The following RGS8 variants were observed in gnomAD, a reference collection of about 807,000 sequenced individuals.
RGS8 encodes regulator of G-protein signaling 8.
Under a neutral mutation model 21.7 loss-of-function variants are expected in RGS8, and 8 were observed. The ratio of observed to expected loss-of-function variants is 0.37; its 90% confidence interval spans 0.22 to 0.66. The LOEUF (loss-of-function observed/expected upper bound fraction) is 0.66. Among genes scored for constraint, RGS8 ranks in the 30% least tolerant of loss-of-function variants. The probability of loss-of-function intolerance (pLI) is 0.59; values close to 1 mark genes in which losing one functional copy is unlikely to be tolerated. For synonymous variants in RGS8, 80 were observed against 83.6 expected, an observed-to-expected ratio of 0.96 and a Z score of 0.24; for missense variants, 157 against 217.9, an observed-to-expected ratio of 0.72 and a Z score of 1.76.
chr1:182,675,037 G>A (rs2102450906), upstream of RGS8, among the ~76,000 whole-genome samples: 1 of 152,172 alleles, frequency 6.6e-6, no homozygotes, highest in South Asian at 2.1e-4. Flanking sequence ...CTTTTCCAGA[G>A]GTTTGCTGGA....
chr1:182,707,421 C>T, the RGS8 span, among the ~76,000 whole-genome samples: 4 of 152,130 alleles, frequency 2.6e-5, no homozygotes, highest in African/African-American at 9.7e-5. Context: ...CCTAGAAGTC[C>T]AAGTTCAAGT....
chr1:182,700,593 A>G, the RGS8 span, among the ~76,000 whole-genome samples: 5 of 152,314 alleles, frequency 3.3e-5, no homozygotes, highest in East Asian at 1.9e-4. Flanking sequence ...TCTAATTCCC[A>G]TAGCTTTCAG....
the RGS8 span, among the ~76,000 whole-genome samples, chr1:182,694,095 A>T: frequency 3.3e-5 from 5 of 152,116 alleles, no homozygotes; most frequent in Admixed American, 2.6e-4. Context: ...CTATATAATA[A>T]ACCTTCGCAT....
chr1:182,655,670 C>A (rs1663239465), intron 5 of RGS8, among the ~76,000 whole-genome samples: 1 of 152,202 alleles, frequency 6.6e-6, no homozygotes, highest in African/African-American at 2.4e-5. Context: ...CCCCAGCATC[C>A]TCATCTGTAA....
the RGS8 span, among the ~76,000 whole-genome samples, chr1:182,718,783 C>A: frequency 3.3e-5 from 5 of 152,196 alleles, no homozygotes; most frequent in Non-Finnish European, 7.4e-5. Context: ...ATATGGCGTG[C>A]TTTACCAAAA....
At chr1:182,663,094 C>A (rs566346210) in intron 5 of RGS8, among the ~76,000 whole-genome samples, 1 of 152,276 alleles carries the variant, frequency 6.6e-6, no homozygotes, top group South Asian at 2.1e-4. Flanking sequence ...GGATTCTTCA[C>A]TCTTTGCTTC....
the RGS8 span, among the ~76,000 whole-genome samples, chr1:182,720,608 A>G: frequency 9.4e-4 from 143 of 152,220 alleles, 1 homozygote; most frequent in Admixed American, 1.7e-3. Context: ...AACCTCCTTC[A>G]GAAATGCACT....
At chr1:182,694,137 GA>G in the RGS8 span, among the ~76,000 whole-genome samples, 2,897 of 137,958 alleles carry the variant, frequency 0.021, 75 homozygotes, top group African/African-American at 0.068. Context: ...AATGTGGAAA[GA>G]AAAAAAAAAA....
At chr1:182,736,500 T>C in the RGS8 span, among the ~76,000 whole-genome samples, 1 of 152,192 alleles carries the variant, frequency 6.6e-6, no homozygotes, top group Non-Finnish European at 1.5e-5. Context: ...CCTGGATATC[T>C]GCATTTTTAC....
chr1:182,696,384 G>A, the RGS8 span, among the ~76,000 whole-genome samples: 3 of 152,166 alleles, frequency 2.0e-5, no homozygotes, highest in East Asian at 5.8e-4. Flanking sequence ...CTTATTGTAT[G>A]TCTGGCTCTG....
chr1:182,732,269 T>TCACA, the RGS8 span, among the ~76,000 whole-genome samples: 1,322 of 126,422 alleles, frequency 0.01, 24 homozygotes, highest in African/African-American at 0.033. Flanking sequence ...GCTCTCTCTC[T>TCACA]CATACACACA....
chr1:182,678,394 A>G (rs1213463778), intron 1 of RGS8, among the ~76,000 whole-genome samples: 1 of 152,216 alleles, frequency 6.6e-6, no homozygotes, highest in Admixed American at 6.5e-5. Context: ...TTTCCATTGT[A>G]AGTTTTTCTC....
intron 5 of RGS8, among the ~76,000 whole-genome samples, chr1:182,664,189 G>A (rs966384699): frequency 2.0e-5 from 3 of 151,774 alleles, no homozygotes; most frequent in Non-Finnish European, 4.4e-5. Context: ...CATAAACTCC[G>A]ACCATAATGG....
chr1:182,744,580 G>A, the RGS8 span, among the ~76,000 whole-genome samples: 14 of 152,164 alleles, frequency 9.2e-5, no homozygotes, highest in African/African-American at 2.7e-4. Flanking sequence ...TTGTAGTAAC[G>A]TATTACCTTT....
intron 1 of RGS8, among the ~76,000 whole-genome samples, chr1:182,683,989 C>T (rs1400869476): frequency 6.6e-6 from 1 of 152,246 alleles, no homozygotes; most frequent in Admixed American, 6.5e-5. Flanking sequence ...AGATATCAAC[C>T]TACAATATTT....
intron 5 of RGS8, among the ~76,000 whole-genome samples, chr1:182,664,245 G>A (rs1037795000): frequency 2.6e-5 from 4 of 151,602 alleles, no homozygotes; most frequent in Admixed American, 1.3e-4. Flanking sequence ...TTATTCTCAA[G>A]GCACATTTAT....
chr1:182,681,037 C>A (rs1397012920), intron 1 of RGS8, among the ~76,000 whole-genome samples: 1 of 152,186 alleles, frequency 6.6e-6, no homozygotes, highest in Non-Finnish European at 1.5e-5. Context: ...TGTGTTACTG[C>A]AAGAATTCAG....
At chr1:182,717,094 AC>A in the RGS8 span, among the ~76,000 whole-genome samples, 2 of 152,206 alleles carry the variant, frequency 1.3e-5, no homozygotes, top group African/African-American at 4.8e-5. Flanking sequence ...CAGCTCTGTG[AC>A]CTTGGACATT....
chr1:182,737,925 G>A, the RGS8 span, among the ~76,000 whole-genome samples: 2 of 152,218 alleles, frequency 1.3e-5, no homozygotes, highest in East Asian at 3.9e-4. Flanking sequence ...AAGCAGGCTT[G>A]AGATGACTGC....
Sources: gnomAD v4.1 joint callset for allele counts (sites outside exome capture counted in the v4.1 genomes callset) on GRCh38, gnomAD v4.1.1 for gene constraint, MANE v1.5 for transcripts, NCBI Gene and HGNC (gene_info 2026-07-23, HGNC 2026-07-21) for gene names.